Variants in CHCHD6 observed in about 807,000 individuals in gnomAD.
CHCHD6 encodes the protein coiled-coil-helix-coiled-coil-helix domain containing 6, also known as MICOS complex subunit MIC25.
A neutral mutation model predicts 32.3 loss-of-function variants in CHCHD6; 28 were observed. The ratio of observed to expected loss-of-function variants is 0.87; its 90% CI spans 0.64 to 1.19. CHCHD6 has a LOEUF of 1.19. CHCHD6 is among the 50% of genes most tolerant of loss of function. The pLI is 0.00. For missense variants in CHCHD6, 333 were observed against 307.0 expected (o/e 1.08, Z -0.63); for synonymous variants, 122 against 117.5 (o/e 1.04, Z -0.25).
intron 6 of CHCHD6, among the ~76,000 whole-genome samples, chr3:126,948,734 C>G (rs1169190968): frequency 6.6e-6 from 1 of 152,222 alleles, no homozygotes; most frequent in South Asian, 2.1e-4. Context: ...TCCAAACTGA[C>G]TTAATCCAAA....
rs557972641 is a variant in CHCHD6 at position 126,938,532 on chromosome 3, C to A, written c.567-18884C>A. Among the ~76,000 whole-genome samples, 6 of 152,356 alleles carry A rather than the reference C, an allele frequency of 3.9e-5. No individual in the cohort carries two copies. The East Asian group carries it at 9.6e-4, about 24-fold the overall frequency. On this transcript the variant is annotated intron_variant, in intron 6 of 7. Transcript: ENST00000290913. ...TGCTGTCGACTCTGTTAACATCCAG[C>A]ATCCAGTTTAGACTCTTCCAAATTT...
intron 7 of CHCHD6, chr3:126,957,854 C>A: frequency 2.1e-6 from 1 of 484,418 alleles, no homozygotes; most frequent in South Asian, 2.2e-5. Flanking sequence ...GGGCCGGGCC[C>A]CTTGTGGGTG....
intron 7 of CHCHD6, 126 bp from the exon 8 acceptor site, chr3:126,960,070 G>T (rs1576655908): frequency 1.8e-6 from 2 of 1,105,678 alleles, no homozygotes; most frequent in South Asian, 1.4e-5. Context: ...GGGTCTCCAG[G>T]TGAGGAGGGA....
intron 1 of CHCHD6, among the ~76,000 whole-genome samples, chr3:126,715,381 A>G (rs17693438): frequency 0.08 from 12,127 of 152,234 alleles, 634 homozygotes; most frequent in Non-Finnish European, 0.11. Context: ...ATGCTCTAGG[A>G]ACGGCAAGTC....
At chr3:126,801,228 C>T (rs1275446137) in intron 4 of CHCHD6, among the ~76,000 whole-genome samples, 19 of 152,312 alleles carry the variant, frequency 1.2e-4, no homozygotes, top group South Asian at 4.1e-4. Flanking sequence ...GGCGGTGCAG[C>T]GCACCGTGCG....
At chr3:126,712,263 GAATATCCTTT>G (rs961706242) in intron 1 of CHCHD6, among the ~76,000 whole-genome samples, 4 of 152,164 alleles carry the variant, frequency 2.6e-5, no homozygotes, top group Admixed American at 2.0e-4. Context: ...GGGTTTAGTT[GAATATCCTTT>G]AAATTTTATC....
chr3:126,887,342 T>C lies in CHCHD6; in HGVS notation c.496-27338T>C, dbSNP rs537933876. Among the ~76,000 whole-genome samples the C allele has an allele frequency of 5.3e-5, 8 of 152,270 alleles. No homozygotes were observed. In the East Asian group the frequency reaches 1.5e-3, roughly 29 times the overall value. ...GATTAATGACCCTGCATATAATCAGTGCTTTAAAAGTGCTAACTTTCATTG... is the reference window on the plus strand; with the variant it reads ...GATTAATGACCCTGCATATAATCAGCGCTTTAAAAGTGCTAACTTTCATTG... On this transcript the variant is annotated intron_variant, in intron 5 of 7. Coordinates refer to ENST00000290913, the MANE Select transcript of CHCHD6 (RefSeq NM_032343.3).
At chr3:126,737,329 A>G (rs1037661103) in intron 4 of CHCHD6, among the ~76,000 whole-genome samples, 4 of 151,274 alleles carry the variant, frequency 2.6e-5, no homozygotes, top group African/African-American at 9.7e-5. Context: ...AAAACCCAAG[A>G]AAGCAAAAAC....
intron 4 of CHCHD6, among the ~76,000 whole-genome samples, chr3:126,743,826 G>C (rs1444758150): frequency 6.6e-6 from 1 of 152,224 alleles, no homozygotes; most frequent in Non-Finnish European, 1.5e-5. Context: ...GCCAGTCTGA[G>C]AGTTTTGGGG....
At chr3:126,736,917 A>C (rs183626822) in intron 4 of CHCHD6, among the ~76,000 whole-genome samples, 21 of 152,332 alleles carry the variant, frequency 1.4e-4, no homozygotes, top group Non-Finnish European at 2.6e-4. Context: ...GGAGTAATCA[A>C]GTCCTGGGTG....
intron 4 of CHCHD6, among the ~76,000 whole-genome samples, chr3:126,754,957 T>G (rs1428279885): frequency 6.6e-6 from 1 of 152,150 alleles, no homozygotes; most frequent in African/African-American, 2.4e-5. Flanking sequence ...GTCTGGCATC[T>G]TCCCATTGGG....
At chr3:126,734,170 A>G (rs1935939307) in intron 4 of CHCHD6, among the ~76,000 whole-genome samples, 1 of 152,244 alleles carries the variant, frequency 6.6e-6, no homozygotes, top group Non-Finnish European at 1.5e-5. Context: ...TGGCTAAGCC[A>G]GTCCTCAGCA....
intron 4 of CHCHD6, among the ~76,000 whole-genome samples, chr3:126,837,293 G>C (rs916644890): frequency 1.3e-5 from 2 of 152,232 alleles, no homozygotes; most frequent in Admixed American, 1.3e-4. Context: ...GCCTGGGTGT[G>C]GTGGCTCACC....
At chr3:126,861,515 C>T (rs1052007060) in intron 5 of CHCHD6, among the ~76,000 whole-genome samples, 4 of 151,774 alleles carry the variant, frequency 2.6e-5, no homozygotes, top group African/African-American at 4.8e-5. Flanking sequence ...GCCACTGCCA[C>T]CGCCACCACT....
chr3:126,836,508 A>G, intron 4 of CHCHD6, among the ~76,000 whole-genome samples: 1 of 152,080 alleles, frequency 6.6e-6, no homozygotes, highest in East Asian at 1.9e-4. Flanking sequence ...TCACTCATTA[A>G]TTTATGTTCA....
intron 4 of CHCHD6, among the ~76,000 whole-genome samples, chr3:126,849,014 C>G (rs575434799): frequency 1.9e-4 from 29 of 152,362 alleles, no homozygotes; most frequent in African/African-American, 6.5e-4. Flanking sequence ...CCTGTCTCCA[C>G]AGTGGTCCTG....
intron 7 of CHCHD6, among the ~76,000 whole-genome samples, chr3:126,959,155 T>C (rs767929007): frequency 7.2e-5 from 11 of 152,154 alleles, no homozygotes; most frequent in Non-Finnish European, 1.6e-4. Flanking sequence ...AAGGCAAAAA[T>C]GTGATTACCA....
At chr3:126,896,591 T>A (rs1338345073) in intron 5 of CHCHD6, among the ~76,000 whole-genome samples, 6 of 152,244 alleles carry the variant, frequency 3.9e-5, no homozygotes, top group Non-Finnish European at 5.9e-5. Context: ...AACTGGCCAC[T>A]CACTTCTTGG....
intron 6 of CHCHD6, among the ~76,000 whole-genome samples, chr3:126,938,148 A>G (rs898236827): frequency 6.6e-6 from 1 of 152,208 alleles, no homozygotes; most frequent in African/African-American, 2.4e-5. Flanking sequence ...GACAGAATCC[A>G]TTTCCATCAG....
Sources: allele counts gnomAD v4.1 joint callset (sites outside exome capture counted in the v4.1 genomes callset), GRCh38; gene constraint gnomAD v4.1.1; transcripts MANE v1.5; gene names NCBI Gene and HGNC (gene_info 2026-07-23, HGNC 2026-07-21).